Variants in CCDC117 observed in about 807,000 individuals in gnomAD.
CCDC117 encodes the protein coiled-coil domain-containing protein 117.
Under a neutral mutation model 23.5 loss-of-function variants are expected in CCDC117, and 1 was observed. The observed-to-expected ratio is 0.04, with a 90% CI of 0.02 to 0.20. The LOEUF is 0.20. Ranked by LOEUF, CCDC117 falls within the 10% of genes least tolerant of loss-of-function variation. The pLI, the probability that CCDC117 is intolerant of heterozygous loss-of-function variation, is 1.00. For missense variants in CCDC117, 383 were observed against 348.2 expected (o/e 1.10, Z -0.80); for synonymous variants, 132 against 124.8 (o/e 1.06, Z -0.39).
At chr22:28,778,514 G>A (rs1385946574) in intron 2 of CCDC117, among the ~76,000 whole-genome samples, 3 of 151,994 alleles carry the variant, frequency 2.0e-5, no homozygotes, top group African/African-American at 7.2e-5. Context: ...GGGCTGAGGC[G>A]GGAGAATTGC....
intron 4 of CCDC117, among the ~76,000 whole-genome samples, 168 bp downstream of exon 4, chr22:28,783,813 C>T (rs551870030): frequency 6.6e-6 from 1 of 152,126 alleles, no homozygotes; most frequent in African/African-American, 2.4e-5. Context: ...GCTTTACAAG[C>T]AGGAGTTTGA....
Position 28,788,189 on chromosome 22 carries a change from A to G in CCDC117, c.*1863A>G, listed in dbSNP as rs2031573401. ...ATCTCAGATTTCGAGATGAATGTAA[A>G]CTGTATTCTTTTGAAATGTGCAAGT... On this transcript the variant is annotated 3_prime_UTR_variant, in exon 5 of 5. Coordinates refer to ENST00000249064, the MANE Select transcript of CCDC117 (RefSeq NM_173510.4). The G allele has an allele frequency of 6.6e-6, 1 of 152,666 alleles. No individual in the cohort carries two copies. The highest frequency in any genetic ancestry group is 2.4e-5 in the African/African-American group (1 of 41,464). 9.5% of individuals were successfully genotyped at this position (152,666 alleles called of 1,614,324 possible).
At position 28,788,367 on chromosome 22, in the gene CCDC117, G is replaced by A. The variant is rs2031578685; in HGVS notation, c.*2041G>A. On this transcript the variant is annotated 3_prime_UTR_variant, in exon 5 of 5. Coordinates refer to ENST00000249064, the MANE Select transcript of CCDC117 (RefSeq NM_173510.4). ...AAGTGACTGCCCAGAGGTAGAGTTA[G>A]TGTTTAGGTGGAAAGGGAGATGACA... 1 of 152,612 alleles carries A rather than the reference G, an allele frequency of 6.6e-6. No individual in the cohort carries two copies. Among genetic ancestry groups the A allele is most frequent in the Non-Finnish European group, 1.5e-5 (1 of 68,040 alleles). The allele number at this position is 152,612 out of a possible 1,614,324, so 9.5% of individuals were successfully genotyped here. A position where few individuals can be genotyped will look rare whatever the true frequency, so the allele number is the denominator to read the frequency against.
intron 2 of CCDC117, among the ~76,000 whole-genome samples, chr22:28,776,587 A>T (rs998635300): frequency 1.4e-5 from 2 of 144,636 alleles, no homozygotes; most frequent in East Asian, 2.0e-4. Context: ...TGCCCAGCTA[A>T]TTTTTTTTTT....
In CCDC117 at chr22:28,787,682, G is replaced by A. The variant is rs2031556668; in HGVS notation, c.*1356G>A. ...CAGGTTTGAAATTTTTAGTTTCTCAGGAAGAGCTCTTCTATGTGGCAGGGG... is the reference window on the plus strand; with the variant it reads ...CAGGTTTGAAATTTTTAGTTTCTCAAGAAGAGCTCTTCTATGTGGCAGGGG... On this transcript the variant is annotated 3_prime_UTR_variant, in exon 5 of 5. Transcript: ENST00000249064. The A allele has an allele frequency of 6.6e-6, 1 of 152,446 alleles. No homozygotes were observed. Among genetic ancestry groups the A allele is most frequent in the Non-Finnish European group, 1.5e-5 (1 of 68,026 alleles). 9.4% of individuals were successfully genotyped at this position (152,446 alleles called of 1,614,324 possible). A position where few individuals can be genotyped will look rare whatever the true frequency, so the allele number is the denominator to read the frequency against.
chr22:28,774,647 C>T (rs1185673162), intron 2 of CCDC117, among the ~76,000 whole-genome samples: 2 of 151,992 alleles, frequency 1.3e-5, no homozygotes, highest in Non-Finnish European at 2.9e-5. Context: ...AGGTGTGAAC[C>T]GTCCCCCAGG....
At chr22:28,778,812 A>G (rs963168367) in intron 2 of CCDC117, among the ~76,000 whole-genome samples, 13 of 152,200 alleles carry the variant, frequency 8.5e-5, no homozygotes, top group East Asian at 1.9e-4. Context: ...GAAGCGTGCT[A>G]TCATATTATC....
intron 2 of CCDC117, among the ~76,000 whole-genome samples, chr22:28,777,294 A>G (rs1449032892): frequency 6.6e-6 from 1 of 152,004 alleles, no homozygotes; most frequent in African/African-American, 2.4e-5. Flanking sequence ...TGGCCTCCCA[A>G]AGTGCTGGAA....
chr22:28,773,006 A>G lies in CCDC117; in HGVS notation c.157A>G (p.Ser53Gly), dbSNP rs1224727101. 2.9e-5 allele frequency: 34 copies of G among 1,167,886 alleles called. No homozygotes were observed. Among genetic ancestry groups the G allele is most frequent in the Non-Finnish European group, 3.3e-5 (31 of 945,180 alleles). The allele number at this position is 1,167,886 out of a possible 1,614,324, so 72.3% of individuals were successfully genotyped here. Residue 53 changes from serine (S) to glycine (G), a missense_variant, in exon 1 of 5, where the codon AGT becomes GGT. Ser to Gly is a moderately conservative substitution (Grantham distance 56, BLOSUM62 0). Transcript: ENST00000249064. ...PRPGPRAVPS[S>G]PAGSAARGRV... ...GCCGGGACCTCGCGCAGTCCCTAGC[A>G]GTCCCGCTGGGAGTGCGGCGCGCGG...
intron 2 of CCDC117, among the ~76,000 whole-genome samples, chr22:28,778,768 C>T (rs2031241063): frequency 6.6e-6 from 1 of 152,088 alleles, no homozygotes. Flanking sequence ...CCTTGGGAGG[C>T]AGTGGGATGA....
At chr22:28,781,322 G>GTTTT (rs1569198880) in intron 3 of CCDC117, 150 bp downstream of exon 3, 2 of 262,088 alleles carry the variant, frequency 7.6e-6, no homozygotes, top group Non-Finnish European at 1.6e-5. Context: ...ATTCGTTTTT[G>GTTTT]TTTTTTTGTT....
chr22:28,781,335 GTTTTTTTTTTTTTTT>G lies in CCDC117; in HGVS notation c.464+182_464+196del, dbSNP rs1179781447. 3.6e-3 allele frequency among the ~76,000 whole-genome samples: 53 copies of G among 14,824 alleles called. 2 individuals carry two copies. Among genetic ancestry groups the G allele is most frequent in the South Asian group, 0.021 (4 of 190 alleles). The allele number at this position is 14,824 out of a possible 152,430, so 9.7% of individuals were successfully genotyped here. A position where few individuals can be genotyped will look rare whatever the true frequency, so the allele number is the denominator to read the frequency against. On this transcript the variant is annotated intron_variant, in intron 3 of 4. Transcript: ENST00000249064. Reference sequence around the variant, plus strand: ...GTATTCGTTTTTGTTTTTTTGTTTTGTTTTTTTTTTTTTTTTTTTTTTTTTTTTTTTTTGAGACGG... The same window carrying G: ...GTATTCGTTTTTGTTTTTTTGTTTTGTTTTTTTTTTTTTTTTTTGAGACGG...
At chr22:28,781,346 T>TAGATGGAG (rs1569198946) in intron 3 of CCDC117, among the ~76,000 whole-genome samples, 174 bp downstream of exon 3, 5 of 9,742 alleles carry the variant, frequency 5.1e-4, no homozygotes, top group African/African-American at 8.8e-4. Context: ...TTTTTTTTTT[T>TAGATGGAG]TTTTTTTTTT....
In CCDC117 at chr22:28,788,971, G is replaced by A. The variant is rs1601432525; in HGVS notation, c.*2645G>A. On this transcript the variant is annotated 3_prime_UTR_variant, in exon 5 of 5. Transcript: ENST00000249064. ...GGGTGCGTTGTGGATTTTGTTTTTT[G>A]GGTTTTTTTTTTTTTTTTGTAATTA... The A allele has an allele frequency of 7.0e-6, 1 of 142,126 alleles. No individual in the cohort carries two copies. Among genetic ancestry groups the A allele is most frequent in the South Asian group, 2.2e-4 (1 of 4,536 alleles). The allele number at this position is 142,126 out of a possible 1,614,324, so 8.8% of individuals were successfully genotyped here. A position where few individuals can be genotyped will look rare whatever the true frequency, so the allele number is the denominator to read the frequency against.
At chr22:28,782,326 G>A (rs6005879) in intron 3 of CCDC117, among the ~76,000 whole-genome samples, 17,119 of 143,886 alleles carry the variant, frequency 0.12, 1,453 homozygotes, top group East Asian at 0.28. Context: ...GTGTGAACTC[G>A]GCGCTCACTG....
intron 1 of CCDC117, 38 bp downstream of exon 1, chr22:28,773,072 G>T (rs1569195926): frequency 2.9e-6 from 3 of 1,018,862 alleles, no homozygotes; most frequent in African/African-American, 3.4e-5. Context: ...AGGGCGGGCG[G>T]GCGGGCGGGC....
chr22:28,777,816 A>C (rs904699352), intron 2 of CCDC117, among the ~76,000 whole-genome samples: 1 of 151,236 alleles, frequency 6.6e-6, no homozygotes, highest in Non-Finnish European at 1.5e-5. Flanking sequence ...TGTTTATGCA[A>C]ATTTTCTATT....
Position 28,786,346 on chromosome 22 carries a change from A to T in CCDC117, c.*20A>T, listed in dbSNP as rs1414031045. ...CTCTAGAAACCAATTTCTACACTAA[A>T]GTTGTCAAATGTTAGAAGAATCCTG... On this transcript the variant is annotated 3_prime_UTR_variant, in exon 5 of 5. Coordinates refer to ENST00000249064, the MANE Select transcript of CCDC117 (RefSeq NM_173510.4). 1 of 1,553,948 alleles carries T rather than the reference A, an allele frequency of 6.4e-7. No individual in the cohort carries two copies. Among genetic ancestry groups the T allele is most frequent in the East Asian group, 2.2e-5 (1 of 44,602 alleles).
At chr22:28,783,424 T>C (rs1213332312) in intron 3 of CCDC117, 84 bp from the exon 4 acceptor site, 1 of 1,362,356 alleles carries the variant, frequency 7.3e-7, no homozygotes, top group Non-Finnish European at 1.0e-6. Flanking sequence ...TCCTTTTTTA[T>C]TTTTAAAATT....
Sources: gnomAD v4.1 joint callset for allele counts (sites outside exome capture counted in the v4.1 genomes callset) on GRCh38, gnomAD v4.1.1 for gene constraint, MANE v1.5 for transcripts, NCBI Gene and HGNC (gene_info 2026-07-23, HGNC 2026-07-21) for gene names.